Variants in GLRA3 observed in about 807,000 individuals in gnomAD.
GLRA3 encodes the protein glycine receptor alpha 3.
Under a neutral mutation model 60.4 loss-of-function variants are expected in GLRA3, and 44 were observed. The observed-to-expected ratio is 0.73, with a 90% CI of 0.57 to 0.94. GLRA3 has a LOEUF of 0.94. Ranked by LOEUF, GLRA3 falls within the 40% of genes least tolerant of loss-of-function variation. The pLI, the probability that GLRA3 is intolerant of heterozygous loss-of-function variation, is 0.00. For synonymous variants in GLRA3, 223 were observed against 192.9 expected, an observed-to-expected ratio of 1.16 and a Z score of -1.29; for missense variants, 508 against 564.6, an observed-to-expected ratio of 0.90 and a Z score of 1.02.
chr4:174,745,273 A>G (rs980877119), intron 3 of GLRA3, among the ~76,000 whole-genome samples: 1 of 152,208 alleles, frequency 6.6e-6, no homozygotes, highest in Non-Finnish European at 1.5e-5. Context: ...GGATATTTAG[A>G]CATCCATATA....
At chr4:174,816,391 G>C (rs964328716) in intron 1 of GLRA3, among the ~76,000 whole-genome samples, 3 of 152,098 alleles carry the variant, frequency 2.0e-5, no homozygotes, top group African/African-American at 7.2e-5. Flanking sequence ...CAGAATTCTA[G>C]CCATCAAATC....
rs1013029387 is a variant in GLRA3, at chr4:174,779,490, C to T, written c.199+9326G>A. Among the ~76,000 whole-genome samples, 14 of 152,166 alleles carry T rather than the reference C, an allele frequency of 9.2e-5. No individual in the cohort carries two copies. In the East Asian group the frequency reaches 1.2e-3, roughly 13 times the overall value. On this transcript the variant is annotated intron_variant, in intron 2 of 9. Coordinates refer to ENST00000274093, the MANE Select transcript of GLRA3 (RefSeq NM_006529.4). ...ATGACTTTGACGAGCTGAGAGAAGG[C>T]GGCTTCAGATGATCAAATTACTCTG...
At chr4:174,741,502 T>C (rs1489333911) in intron 3 of GLRA3, among the ~76,000 whole-genome samples, 1 of 152,148 alleles carries the variant, frequency 6.6e-6, no homozygotes, top group Non-Finnish European at 1.5e-5. Context: ...GACATGAGAT[T>C]GGCAAACTTG....
chr4:174,798,418 G>A (rs1739655879), intron 1 of GLRA3, among the ~76,000 whole-genome samples: 1 of 151,956 alleles, frequency 6.6e-6, no homozygotes, highest in East Asian at 1.9e-4. Flanking sequence ...AAAGATATGA[G>A]CCTTTTACCC....
rs903534327 is a variant in GLRA3, at chr4:174,640,327, A to G, written c.*3459T>C. 1.3e-5 allele frequency: 2 copies of G among 152,016 alleles called. No homozygotes were observed. Among genetic ancestry groups the G allele is most frequent in the Non-Finnish European group, 2.9e-5 (2 of 67,950 alleles). The allele number at this position is 152,016 out of a possible 1,614,324, so 9.4% of individuals were successfully genotyped here. On this transcript the variant is annotated 3_prime_UTR_variant, in exon 10 of 10. Coordinates refer to ENST00000274093, the MANE Select transcript of GLRA3 (RefSeq NM_006529.4). ...TTTCCATTTACAAAATACTGCAAGT[A>G]TTTTCCATTTCAATTTTGGCAAGTC...
chr4:174,680,827 T>TG (rs1163846884), intron 6 of GLRA3, among the ~76,000 whole-genome samples: 1 of 152,166 alleles, frequency 6.6e-6, no homozygotes, highest in Non-Finnish European at 1.5e-5. Context: ...TTTCATTTTC[T>TG]GGGGGGAAAG....
Position 174,766,970 on chromosome 4 carries a change from G to T in GLRA3, c.260C>A (p.Thr87Lys). 2 of 1,568,196 alleles carry T rather than the reference G, an allele frequency of 1.3e-6. No individual in the cohort carries two copies. Among genetic ancestry groups the T allele is most frequent in the Non-Finnish European group, 1.8e-6 (2 of 1,142,808 alleles). The change falls in exon 3 of 10, where the codon ACG (threonine) becomes AAG (lysine). Residue 87 changes from threonine to lysine, a missense_variant. Transcript: ENST00000274093. ...FINSFGSIAE[T>K]TMDYRVNIFL... Reference sequence around the variant, plus strand: ...GCAAAGTAAAATGCCTACCATGGTCGTCTCTGCGATAGAGCCAAAGCTGTT... The same window carrying T: ...GCAAAGTAAAATGCCTACCATGGTCTTCTCTGCGATAGAGCCAAAGCTGTT...
Position 174,656,791 on chromosome 4 carries a change from T to A in GLRA3, c.1072-4A>T. 6.4e-7 allele frequency: 1 copy of A among 1,569,244 alleles called. No individual in the cohort carries two copies. The highest frequency in any genetic ancestry group is 8.8e-7 in the Non-Finnish European group (1 of 1,139,582). On this transcript the variant is annotated splice_polypyrimidine_tract_variant and splice_region_variant and intron_variant, in intron 8 of 9. Coordinates refer to ENST00000274093, the MANE Select transcript of GLRA3 (RefSeq NM_006529.4). ...TCTCCAGTGCAAAAGCTTCTGTCTGTGGGAAGGTAAAGTGGACCAAGAGGA... is the reference window on the plus strand; with the variant it reads ...TCTCCAGTGCAAAAGCTTCTGTCTGAGGGAAGGTAAAGTGGACCAAGAGGA...
intron 9 of GLRA3, among the ~76,000 whole-genome samples, chr4:174,656,341 T>G (rs1733204521): frequency 2.0e-5 from 3 of 152,134 alleles, no homozygotes; most frequent in Admixed American, 1.3e-4. Context: ...AGGTCTCTTG[T>G]GCAGTTGCTT....
chr4:174,789,390 A>G (rs1437593231), intron 1 of GLRA3, among the ~76,000 whole-genome samples: 2 of 151,904 alleles, frequency 1.3e-5, no homozygotes, highest in Non-Finnish European at 2.9e-5. Context: ...GCAGTAAAAA[A>G]CTTCTGTCTA....
At chr4:174,739,434 G>A (rs968484595) in intron 3 of GLRA3, among the ~76,000 whole-genome samples, 5 of 151,464 alleles carry the variant, frequency 3.3e-5, no homozygotes, top group Non-Finnish European at 5.9e-5. Flanking sequence ...ACTTTTTTGT[G>A]GGCTCTGGGT....
At chr4:174,776,527 C>T (rs59294871) in intron 2 of GLRA3, among the ~76,000 whole-genome samples, 38,848 of 151,212 alleles carry the variant, frequency 0.26, 5,731 homozygotes, top group East Asian at 0.52. Context: ...CAATAAAAGA[C>T]GCATTAAATT....
At chr4:174,789,013 A>G in intron 1 of GLRA3, 70 bp from the exon 2 acceptor site, 3 of 994,896 alleles carry the variant, frequency 3.0e-6, no homozygotes, top group Non-Finnish European at 4.4e-6. Flanking sequence ...CTACAAATAT[A>G]AAATAGAAAT....
At chr4:174,797,892 C>A (rs1157419977) in intron 1 of GLRA3, among the ~76,000 whole-genome samples, 1 of 151,546 alleles carries the variant, frequency 6.6e-6, no homozygotes, top group Admixed American at 6.6e-5. Context: ...TCACTGCACT[C>A]CATCTTGGGC....
intron 2 of GLRA3, among the ~76,000 whole-genome samples, chr4:174,783,534 C>T (rs1023658062): frequency 7.2e-6 from 1 of 139,690 alleles, no homozygotes; most frequent in African/African-American, 2.7e-5. Flanking sequence ...GAACAGGCAA[C>T]CTACAAAATG....
At chr4:174,711,448 T>A (rs35561911) in intron 5 of GLRA3, among the ~76,000 whole-genome samples, 26,974 of 145,408 alleles carry the variant, frequency 0.19, 2,792 homozygotes, top group East Asian at 0.33. Context: ...TATATATATT[T>A]TTTTTTTTTT....
rs1342296690 is a variant in GLRA3, at chr4:174,705,820, T to C, written c.574+9668A>G. Among the ~76,000 whole-genome samples the C allele has an allele frequency of 2.4e-5, 3 of 123,206 alleles. No homozygotes were observed. The Admixed American group carries it at 3.2e-4, about 13-fold the overall frequency. The allele number at this position is 123,206 out of a possible 152,430, so 80.8% of individuals were successfully genotyped here. A position where few individuals can be genotyped will look rare whatever the true frequency, so the allele number is the denominator to read the frequency against. On this transcript the variant is annotated intron_variant, in intron 5 of 9. Transcript: ENST00000274093. ...ATGAGAGACATTTTCCCCGTCTACA[T>C]GGAACTTGCATGTAGTGGGGTGGGG...
chr4:174,691,819 C>A (rs1410814572), intron 5 of GLRA3, among the ~76,000 whole-genome samples: 1 of 152,108 alleles, frequency 6.6e-6, no homozygotes, highest in Non-Finnish European at 1.5e-5. Flanking sequence ...GCCACCCCAT[C>A]TGGGAAGTGA....
intron 1 of GLRA3, among the ~76,000 whole-genome samples, chr4:174,822,219 A>C (rs1740767886): frequency 6.6e-6 from 1 of 152,184 alleles, no homozygotes; most frequent in Non-Finnish European, 1.5e-5. Context: ...TGCTCCATAC[A>C]TTATTATAGA....
Sources: allele counts gnomAD v4.1 joint callset (sites outside exome capture counted in the v4.1 genomes callset), GRCh38; gene constraint gnomAD v4.1.1; transcripts MANE v1.5; gene names NCBI Gene and HGNC (gene_info 2026-07-23, HGNC 2026-07-21).